The following DLGAP2 variants were observed in gnomAD, a reference collection of about 807,000 sequenced individuals.
The protein encoded by DLGAP2 is disks large-associated protein 2.
Under a neutral mutation model 100.3 loss-of-function variants are expected in DLGAP2, and 26 were observed. The observed-to-expected ratio is 0.26, with a 90% confidence interval of 0.19 to 0.36. The LOEUF (loss-of-function observed/expected upper bound fraction) is 0.36. Among genes scored for constraint, DLGAP2 ranks in the 10% least tolerant of loss-of-function variants. The pLI, the probability that DLGAP2 is intolerant of heterozygous loss-of-function variation, is 1.00. For synonymous variants in DLGAP2, 886 were observed against 630.1 expected (o/e 1.41, Z -6.08); for missense variants, 1,858 against 1,453.2 (o/e 1.28, Z -4.53).
chr8:1,518,493 C>T (rs1030469747), intron 4 of DLGAP2, among the ~76,000 whole-genome samples: 1 of 152,242 alleles, frequency 6.6e-6, no homozygotes, highest in South Asian at 2.1e-4. Context: ...ATTTATATAA[C>T]GTTTGAGTTT....
At chr8:1,032,286 C>T (rs774998225) in intron 2 of DLGAP2, among the ~76,000 whole-genome samples, 1 of 152,190 alleles carries the variant, frequency 6.6e-6, no homozygotes, top group Non-Finnish European at 1.5e-5. Context: ...GGGCGGCCGG[C>T]GGGCAGCCTG....
chr8:1,043,912 C>T (rs972081399), intron 2 of DLGAP2, among the ~76,000 whole-genome samples: 6 of 151,792 alleles, frequency 4.0e-5, no homozygotes, highest in African/African-American at 9.7e-5. Flanking sequence ...TGTGGAGAGA[C>T]GGGCAGTGAG....
intron 3 of DLGAP2, among the ~76,000 whole-genome samples, chr8:1,470,118 T>G (rs768802563): frequency 2.6e-5 from 4 of 152,128 alleles, no homozygotes; most frequent in Non-Finnish European, 4.4e-5. Context: ...GCTGTGATCA[T>G]GCCACCGCAC....
intron 3 of DLGAP2, among the ~76,000 whole-genome samples, chr8:1,447,555 GT>G (rs901299859): frequency 1.3e-5 from 2 of 152,134 alleles, no homozygotes; most frequent in Admixed American, 1.3e-4. Flanking sequence ...CTCTTTTTCG[GT>G]TGTGTCTCTG....
Position 1,351,775 on chromosome 8 carries a change from C to A in DLGAP2, c.106+92892C>A, listed in dbSNP as rs1293951771. On this transcript the variant is annotated intron_variant, in intron 3 of 14. Coordinates refer to ENST00000637795, the MANE Select transcript of DLGAP2 (RefSeq NM_001346810.2). ...CCTGACTATGTGTGGAAAGGCCGTG[C>A]GGGTCCTGACTGTGTGTGGAAAGGA... is the stretch of plus-strand genomic sequence containing the variant. 2.8e-5 allele frequency among the ~76,000 whole-genome samples: 2 copies of A among 71,400 alleles called. 1 individual carries two copies. Among genetic ancestry groups the A allele is most frequent in the Non-Finnish European group, 5.5e-5 (2 of 36,066 alleles). 46.8% of individuals were successfully genotyped at this position (71,400 alleles called of 152,430 possible).
intron 3 of DLGAP2, among the ~76,000 whole-genome samples, chr8:1,466,140 T>C (rs1223284947): frequency 6.6e-6 from 1 of 152,142 alleles, no homozygotes; most frequent in Non-Finnish European, 1.5e-5. Context: ...AGCGTTTAGG[T>C]TGAAGTCAAG....
chr8:1,028,767 A>T (rs1156763701), intron 2 of DLGAP2, among the ~76,000 whole-genome samples: 1 of 152,204 alleles, frequency 6.6e-6, no homozygotes, highest in Non-Finnish European at 1.5e-5. Context: ...AGGCAGTGAG[A>T]ATCCCTTGGG....
intron 4 of DLGAP2, among the ~76,000 whole-genome samples, chr8:1,509,668 C>T (rs1221133792): frequency 6.6e-6 from 1 of 151,836 alleles, no homozygotes; most frequent in Non-Finnish European, 1.5e-5. Flanking sequence ...AATTCACCCA[C>T]CTCTCCTGTT....
chr8:1,559,726 C>T (rs1802095176), intron 5 of DLGAP2, among the ~76,000 whole-genome samples: 1 of 152,238 alleles, frequency 6.6e-6, no homozygotes, highest in African/African-American at 2.4e-5. Context: ...AGCTGCTCTT[C>T]CATCTGCCAC....
At chr8:1,319,180 C>G (rs559695125) in intron 3 of DLGAP2, among the ~76,000 whole-genome samples, 1 of 152,270 alleles carries the variant, frequency 6.6e-6, no homozygotes, top group African/African-American at 2.4e-5. Context: ...GCCCCCATGG[C>G]TCCCCTCCCT....
chr8:1,643,892 A>C (rs1408874884), intron 8 of DLGAP2, among the ~76,000 whole-genome samples: 1 of 4,188 alleles, frequency 2.4e-4, no homozygotes, highest in Non-Finnish European at 3.5e-4. Context: ...TCACCCTCCA[A>C]CCCGCCGGTC....
intron 3 of DLGAP2, among the ~76,000 whole-genome samples, chr8:1,389,013 G>C (rs1023088521): frequency 4.3e-4 from 63 of 147,222 alleles, no homozygotes; most frequent in East Asian, 4.1e-4. Context: ...TGAGAGCAGA[G>C]GCCGTGGATG....
chr8:1,664,315 C>T (rs542713881), intron 8 of DLGAP2, among the ~76,000 whole-genome samples: 2 of 152,290 alleles, frequency 1.3e-5, no homozygotes, highest in South Asian at 4.1e-4. Context: ...TGTCCGCTGG[C>T]CCGTCCTACT....
intron 3 of DLGAP2, among the ~76,000 whole-genome samples, chr8:1,361,452 A>G (rs971267010): frequency 6.6e-5 from 10 of 152,234 alleles, no homozygotes; most frequent in African/African-American, 2.4e-4. Context: ...TAATCTCTGT[A>G]GTTTTTCCCC....
intron 2 of DLGAP2, among the ~76,000 whole-genome samples, chr8:996,715 C>A (rs1800794434): frequency 6.6e-6 from 1 of 152,182 alleles, no homozygotes; most frequent in Non-Finnish European, 1.5e-5. Context: ...CGTCATCATT[C>A]ACTGTTTAAT....
At chr8:1,515,777 A>G (rs534498078) in intron 4 of DLGAP2, among the ~76,000 whole-genome samples, 9 of 152,234 alleles carry the variant, frequency 5.9e-5, no homozygotes, top group African/African-American at 1.7e-4. Context: ...TACAACACAT[A>G]CAACACACCT....
At chr8:1,586,698 G>C (rs1418761487) in intron 6 of DLGAP2, among the ~76,000 whole-genome samples, 1 of 152,218 alleles carries the variant, frequency 6.6e-6, no homozygotes, top group Non-Finnish European at 1.5e-5. Flanking sequence ...GCGGACTCTA[G>C]GCCCAGATGT....
At position 1,057,540 on chromosome 8, in the gene DLGAP2, C is replaced by G. The variant is rs140471427; in HGVS notation, c.73+149574C>G. 9.8e-4 allele frequency among the ~76,000 whole-genome samples: 150 copies of G among 152,350 alleles called. 1 individual carries two copies. The highest frequency in any genetic ancestry group is 3.6e-3 in the African/African-American group (149 of 41,576). Reference sequence around the variant, plus strand: ...CTTCGTTTGTTGTCTCTCTAACTTACTGGCTGTGCTATCTCTTGATTTCTT... The same window carrying G: ...CTTCGTTTGTTGTCTCTCTAACTTAGTGGCTGTGCTATCTCTTGATTTCTT... On this transcript the variant is annotated intron_variant, in intron 2 of 14. Transcript: ENST00000637795.
chr8:1,361,307 C>T lies in DLGAP2; in HGVS notation c.106+102424C>T, dbSNP rs531264011. On this transcript the variant is annotated intron_variant, in intron 3 of 14. Coordinates refer to ENST00000637795, the MANE Select transcript of DLGAP2 (RefSeq NM_001346810.2). ...CATGGATCACATTCTCCCCAACACA[C>T]AACTTTAGAGTAGACTTTTATCCCT... Among the ~76,000 whole-genome samples, 4 of 152,336 alleles carry T rather than the reference C, an allele frequency of 2.6e-5. No individual in the cohort carries two copies. In the East Asian group the frequency reaches 7.7e-4, roughly 29 times the overall value.
Sources: allele counts gnomAD v4.1 joint callset (sites outside exome capture counted in the v4.1 genomes callset), GRCh38; gene constraint gnomAD v4.1.1; transcripts MANE v1.5; gene names NCBI Gene and HGNC (gene_info 2026-07-23, HGNC 2026-07-21).